COL5A1: variants seen among roughly 807,000 people sequenced by gnomAD.
COL5A1 encodes collagen alpha-1(V) chain.
Under a neutral mutation model 263.7 loss-of-function variants are expected in COL5A1, and 16 were observed. That is an observed-to-expected ratio of 0.06 (90% CI 0.04 to 0.09). COL5A1 has a LOEUF of 0.09. Among genes scored for constraint, COL5A1 ranks in the 10% least tolerant of loss-of-function variants. The pLI, the probability that COL5A1 is intolerant of heterozygous loss-of-function variation, is 1.00. For missense variants in COL5A1, 2,036 were observed against 2,540.5 expected, an observed-to-expected ratio of 0.80 and a Z score of 4.27; for synonymous variants, 1,012 against 1,004.5, an observed-to-expected ratio of 1.01 and a Z score of -0.14.
At chr9:134,822,883 G>A (rs962236123) in intron 59 of COL5A1, 115 bp from the exon 60 acceptor site, 17 of 1,156,992 alleles carry the variant, frequency 1.5e-5, no homozygotes, top group Non-Finnish European at 2.2e-5. Flanking sequence ...GACTCTTGAG[G>A]GGGATGCGGG....
At chr9:134,695,741 G>A (rs945503565) in intron 2 of COL5A1, among the ~76,000 whole-genome samples, 2 of 152,172 alleles carry the variant, frequency 1.3e-5, no homozygotes, top group Admixed American at 1.3e-4. Flanking sequence ...TCGACCCCAT[G>A]GGTTAGTCCA....
chr9:134,688,565 A>G (rs114052225), intron 1 of COL5A1, among the ~76,000 whole-genome samples: 1 of 152,126 alleles, frequency 6.6e-6, no homozygotes, highest in African/African-American at 2.4e-5. Context: ...GGTGCCATAC[A>G]TGCCCGAGGG....
intron 32 of COL5A1, among the ~76,000 whole-genome samples, chr9:134,792,795 GCA>G (rs1837747908): frequency 1.5e-5 from 2 of 137,594 alleles, no homozygotes; most frequent in Admixed American, 7.1e-5. Context: ...ATGTGTGTGT[GCA>G]TGTGTGCGTG....
At chr9:134,701,917 C>G (rs965668327) in intron 4 of COL5A1, among the ~76,000 whole-genome samples, 2 of 152,208 alleles carry the variant, frequency 1.3e-5, no homozygotes, top group African/African-American at 4.8e-5. Flanking sequence ...CCCATGGAGC[C>G]CTTCATAGGT....
Position 134,769,350 on chromosome 9 carries a change from C to T in COL5A1, c.2286+887C>T, listed in dbSNP as rs144715987. Among the ~76,000 whole-genome samples, 670 of 152,316 alleles carry T rather than the reference C, an allele frequency of 4.4e-3. 4 individuals carry two copies. Among genetic ancestry groups the T allele is most frequent in the Middle Eastern group, 0.017 (5 of 294 alleles). On this transcript the variant is annotated intron_variant, in intron 25 of 65. Coordinates refer to ENST00000371817, the MANE Select transcript of COL5A1 (RefSeq NM_000093.5). Reference sequence around the variant, plus strand: ...GCAGAGTGGAGCCTTCTCATCCCCACGCGCGCAGCTGTGGGGCCCCGTGGT... The same window carrying T: ...GCAGAGTGGAGCCTTCTCATCCCCATGCGCGCAGCTGTGGGGCCCCGTGGT...
intron 1 of COL5A1, among the ~76,000 whole-genome samples, chr9:134,674,635 C>G (rs1005200397): frequency 1.3e-5 from 2 of 152,164 alleles, no homozygotes; most frequent in Non-Finnish European, 2.9e-5. Context: ...CCTGTAATCC[C>G]AGCACTTTGG....
intron 4 of COL5A1, among the ~76,000 whole-genome samples, chr9:134,703,585 C>T (rs539443891): frequency 1.4e-5 from 2 of 147,006 alleles, no homozygotes; most frequent in South Asian, 2.2e-4. Context: ...TTCTGTGGGT[C>T]GAGGCCCTGC....
chr9:134,661,878 A>G (rs1445844931), intron 1 of COL5A1, among the ~76,000 whole-genome samples: 1 of 151,954 alleles, frequency 6.6e-6, no homozygotes, highest in African/African-American at 2.4e-5. Flanking sequence ...CCTTCCCTCC[A>G]GCGGCTTCTG....
intron 4 of COL5A1, among the ~76,000 whole-genome samples, chr9:134,708,135 G>C (rs1029626739): frequency 6.6e-6 from 1 of 152,208 alleles, no homozygotes; most frequent in Non-Finnish European, 1.5e-5. Context: ...GCTGCCCAGA[G>C]GGGCACATTT....
intron 49 of COL5A1, among the ~76,000 whole-genome samples, 181 bp downstream of exon 49, chr9:134,814,217 T>G (rs1838651721): frequency 6.6e-6 from 1 of 152,190 alleles, no homozygotes; most frequent in Non-Finnish European, 1.5e-5. Context: ...GGAGTCAGCA[T>G]GTACACGCAG....
chr9:134,812,317 T>C (rs1287292561), intron 46 of COL5A1, 132 bp from the exon 47 acceptor site: 6 of 868,236 alleles, frequency 6.9e-6, no homozygotes, highest in Non-Finnish European at 9.6e-6. Flanking sequence ...TGGGTAGCTA[T>C]GCACAGAGAA....
intron 4 of COL5A1, 85 bp from the exon 5 acceptor site, chr9:134,727,181 G>T: frequency 1.4e-6 from 2 of 1,449,046 alleles, no homozygotes; most frequent in Non-Finnish European, 1.9e-6. Flanking sequence ...ACTTTCCCCT[G>T]CTTCAAGGCA....
chr9:134,751,824 A>G (rs11103499), intron 13 of COL5A1, among the ~76,000 whole-genome samples: 33,396 of 152,150 alleles, frequency 0.22, 3,881 homozygotes, highest in East Asian at 0.34. Flanking sequence ...AGTCGTTACC[A>G]TGGAGCAAAT....
intron 40 of COL5A1, 48 bp from the exon 41 acceptor site, chr9:134,805,113 G>A (rs1300113442): frequency 1.2e-6 from 2 of 1,613,706 alleles, no homozygotes; most frequent in South Asian, 1.1e-5. Context: ...TGCAGCCCTG[G>A]AGGCCTCTCC....
chr9:134,808,712 A>G (rs1405863396), intron 42 of COL5A1, among the ~76,000 whole-genome samples: 3 of 152,154 alleles, frequency 2.0e-5, no homozygotes, highest in African/African-American at 7.2e-5. Flanking sequence ...ACATGTCTTC[A>G]TGTGTGAGCA....
In COL5A1 at chr9:134,727,155, T is replaced by C. The variant is rs117414642; in HGVS notation, c.655-111T>C. ...GTTTGGCTCTGAGGACAAGCTCGTC[T>C]TGTGGCTTGGTCTGGACTTTCCCCT... On this transcript the variant is annotated intron_variant, in intron 4 of 65. Transcript: ENST00000371817. The C allele has an allele frequency of 2.6e-4, 303 of 1,150,404 alleles. 1 individual carries two copies. The East Asian group carries it at 5.5e-3, about 21-fold the overall frequency. 71.3% of individuals were successfully genotyped at this position (1,150,404 alleles called of 1,614,324 possible).
intron 4 of COL5A1, among the ~76,000 whole-genome samples, chr9:134,715,725 A>T (rs902268404): frequency 1.3e-5 from 2 of 152,252 alleles, no homozygotes; most frequent in African/African-American, 4.8e-5. Flanking sequence ...TTAAACCTTG[A>T]GTCGACACAG....
At chr9:134,727,138 C>G in intron 4 of COL5A1, 128 bp from the exon 5 acceptor site, 2 of 979,272 alleles carry the variant, frequency 2.0e-6, no homozygotes, top group Non-Finnish European at 3.2e-6. Context: ...ATGTTTGGCT[C>G]TGAGGACAAG....
intron 64 of COL5A1, 25 bp downstream of exon 64, chr9:134,830,069 C>A (rs892133957): frequency 1.7e-5 from 28 of 1,613,484 alleles, no homozygotes; most frequent in African/African-American, 1.7e-4. Context: ...GGCGTCTTTG[C>A]GGTTGTCACT....
Sources: allele counts gnomAD v4.1 joint callset (sites outside exome capture counted in the v4.1 genomes callset), GRCh38; gene constraint gnomAD v4.1.1; transcripts MANE v1.5; gene names NCBI Gene and HGNC (gene_info 2026-07-23, HGNC 2026-07-21).